Variants in GALK2 observed in about 807,000 individuals in gnomAD.
The protein encoded by GALK2 is galactokinase 2.
Under a neutral mutation model 52.4 loss-of-function variants are expected in GALK2, and 36 were observed. The observed-to-expected ratio is 0.69, with a 90% confidence interval of 0.53 to 0.91. The LOEUF (loss-of-function observed/expected upper bound fraction) is 0.91, where lower values mean the gene tolerates loss of function less well. Among genes scored for constraint, GALK2 ranks in the 40% least tolerant of loss-of-function variants. GALK2 has a pLI of 0.00. For synonymous variants in GALK2, 176 were observed against 199.1 expected (o/e 0.88, Z 0.98); for missense variants, 579 against 559.1 (o/e 1.04, Z -0.36).
intron 5 of GALK2, among the ~76,000 whole-genome samples, chr15:49,250,446 A>G (rs994286649): frequency 1.3e-5 from 2 of 152,198 alleles, no homozygotes; most frequent in Non-Finnish European, 2.9e-5. Context: ...TATGCACATC[A>G]ACTCTAACTT....
intron 5 of GALK2, among the ~76,000 whole-genome samples, chr15:49,274,539 C>T (rs1179939969): frequency 6.6e-6 from 1 of 152,160 alleles, no homozygotes; most frequent in Admixed American, 6.5e-5. Flanking sequence ...TTTATCAACA[C>T]TGTCCATGTA....
At chr15:49,214,167 G>T (rs116082970) in intron 2 of GALK2, among the ~76,000 whole-genome samples, 9,155 of 151,938 alleles carry the variant, frequency 0.06, 549 homozygotes, top group African/African-American at 0.15. Context: ...TCTGTTACAG[G>T]TTTTTGTTTT....
At chr15:49,169,490 A>T (rs1309546780), upstream of GALK2, among the ~76,000 whole-genome samples, 2 of 152,148 alleles carry the variant, frequency 1.3e-5, no homozygotes, top group East Asian at 3.9e-4. Flanking sequence ...GCCTGCCCCC[A>T]GTTGCTTTCT....
At position 49,275,373 on chromosome 15, in the gene GALK2, G is replaced by A. The variant is rs182920901; in HGVS notation, c.505-6614G>A. 4.5e-4 allele frequency among the ~76,000 whole-genome samples: 68 copies of A among 152,248 alleles called. 1 individual carries two copies. In the South Asian group the frequency reaches 8.3e-3, roughly 19 times the overall value. On this transcript the variant is annotated intron_variant, in intron 5 of 9. Transcript: ENST00000560031. ...TCACTCCAGGTTTACATTTTCTTTT[G>A]GAAGACTTGTTCACCTAAAGACACT...
downstream of GALK2, chr15:49,331,970 A>G: frequency 1.5e-6 from 1 of 660,306 alleles, no homozygotes; most frequent in Non-Finnish European, 2.7e-6. Flanking sequence ...CTTTACATAT[A>G]TTAATTCAAT....
intron 4 of GALK2, among the ~76,000 whole-genome samples, chr15:49,238,466 A>G (rs1452801097): frequency 2.0e-5 from 3 of 152,326 alleles, no homozygotes; most frequent in Admixed American, 6.5e-5. Context: ...TAAAGCTACC[A>G]TATGGCTAAA....
chr15:49,283,521 G>A, intron 6 of GALK2, 45 bp from the exon 7 acceptor site: 1 of 1,487,606 alleles, frequency 6.7e-7, no homozygotes. Context: ...AACATTTTCT[G>A]CATTCTAATA....
At chr15:49,308,628 T>C (rs1447970161) in intron 8 of GALK2, among the ~76,000 whole-genome samples, 3 of 152,180 alleles carry the variant, frequency 2.0e-5, no homozygotes, top group Non-Finnish European at 2.9e-5. Context: ...TGAGGCTACG[T>C]GGAGAAACTC....
chr15:49,316,113 TAA>T (rs2036387253), intron 8 of GALK2, among the ~76,000 whole-genome samples: 1 of 152,186 alleles, frequency 6.6e-6, no homozygotes, highest in Non-Finnish European at 1.5e-5. Context: ...CTTGATTGAC[TAA>T]AAGAGACTTA....
rs1165430497 is a variant in GALK2, at chr15:49,328,390, A to ATCT, written c.*233_*235dup. On this transcript the variant is annotated 3_prime_UTR_variant, in exon 10 of 10. Coordinates refer to ENST00000560031, the MANE Select transcript of GALK2 (RefSeq NM_002044.4). ...AAGAGCCAAGATCATGCTTGGACAGATCTTTTAAGAATAACTTACTGAGAT... is the reference window on the plus strand; with the variant it reads ...AAGAGCCAAGATCATGCTTGGACAGATCTTCTTTTAAGAATAACTTACTGAGAT... The ATCT allele has an allele frequency of 4.2e-6, 6 of 1,428,752 alleles. No homozygotes were observed. The African/African-American group carries it at 8.6e-5, about 20-fold the overall frequency. The allele number at this position is 1,428,752 out of a possible 1,614,324, so 88.5% of individuals were successfully genotyped here.
At chr15:49,305,715 G>A (rs919693519) in intron 8 of GALK2, among the ~76,000 whole-genome samples, 1 of 152,154 alleles carries the variant, frequency 6.6e-6, no homozygotes, top group African/African-American at 2.4e-5. Flanking sequence ...GGGACAGAGA[G>A]GATGAAGATC....
intron 1 of GALK2, among the ~76,000 whole-genome samples, chr15:49,159,703 CAAT>C (rs902657842): frequency 1.1e-4 from 17 of 152,070 alleles, no homozygotes; most frequent in African/African-American, 2.7e-4. Context: ...ATATTTGTGA[CAAT>C]AATGTGTTCT....
At chr15:49,202,477 T>C (rs907823304) in intron 2 of GALK2, among the ~76,000 whole-genome samples, 2 of 152,342 alleles carry the variant, frequency 1.3e-5, no homozygotes, top group African/African-American at 2.4e-5. Context: ...GCCTGACTTA[T>C]TTCACTTAAC....
At chr15:49,303,970 G>A (rs1016907038) in intron 8 of GALK2, among the ~76,000 whole-genome samples, 2 of 152,170 alleles carry the variant, frequency 1.3e-5, no homozygotes, top group Non-Finnish European at 2.9e-5. Context: ...CTGTCTTTCA[G>A]GAGTGAAATT....
intron 7 of GALK2, among the ~76,000 whole-genome samples, chr15:49,284,161 G>T (rs1038046727): frequency 1.3e-5 from 2 of 152,178 alleles, no homozygotes; most frequent in Admixed American, 6.5e-5. Context: ...TACCCAGAAA[G>T]AAGATTTTTA....
chr15:49,290,877 G>T (rs956767042), intron 7 of GALK2, among the ~76,000 whole-genome samples: 2 of 152,186 alleles, frequency 1.3e-5, no homozygotes, highest in East Asian at 1.9e-4. Flanking sequence ...ACGTGGCCTA[G>T]GGGCAGCAAG....
intron 2 of GALK2, among the ~76,000 whole-genome samples, chr15:49,214,141 C>A (rs1381516996): frequency 6.6e-6 from 1 of 151,898 alleles, no homozygotes; most frequent in Non-Finnish European, 1.5e-5. Context: ...AACAAAAAAA[C>A]CCAACTTTTT....
At chr15:49,325,052 C>G (rs2037233228) in intron 9 of GALK2, among the ~76,000 whole-genome samples, 2 of 152,204 alleles carry the variant, frequency 1.3e-5, no homozygotes, top group Non-Finnish European at 2.9e-5. Flanking sequence ...TCCCCACCCT[C>G]TCCATTGCTC....
chr15:49,205,998 C>T (rs2088248775), intron 2 of GALK2, among the ~76,000 whole-genome samples: 1 of 152,088 alleles, frequency 6.6e-6, no homozygotes. Context: ...TGTCCTTTCC[C>T]TACTTTTTGA....
Sources: gnomAD v4.1 joint callset for allele counts (sites outside exome capture counted in the v4.1 genomes callset) on GRCh38, gnomAD v4.1.1 for gene constraint, MANE v1.5 for transcripts, NCBI Gene and HGNC (gene_info 2026-07-23, HGNC 2026-07-21) for gene names.